THEMIS: variants seen among roughly 807,000 people sequenced by gnomAD.
THEMIS encodes protein THEMIS.
Under a neutral mutation model 52.6 loss-of-function variants are expected in THEMIS, and 37 were observed. The observed-to-expected ratio is 0.70, with a 90% CI of 0.54 to 0.93. The LOEUF (loss-of-function observed/expected upper bound fraction) is 0.93. THEMIS is among the 40% of genes least tolerant of loss of function. THEMIS has a pLI of 0.00. For missense variants in THEMIS, 808 were observed against 763.1 expected, an observed-to-expected ratio of 1.06 and a Z score of -0.69; for synonymous variants, 292 against 272.7, an observed-to-expected ratio of 1.07 and a Z score of -0.70.
intron 4 of THEMIS, among the ~76,000 whole-genome samples, chr6:127,750,489 G>A (rs553817531): frequency 6.6e-6 from 1 of 151,830 alleles, no homozygotes; most frequent in East Asian, 1.9e-4. Context: ...ATCCATGCCT[G>A]ATCATAAATT....
At chr6:127,775,177 A>G (rs534642795) in intron 4 of THEMIS, among the ~76,000 whole-genome samples, 41 of 152,176 alleles carry the variant, frequency 2.7e-4, no homozygotes, top group African/African-American at 9.2e-4. Context: ...CTTTAATGAC[A>G]TATGTTTGCA....
chr6:127,818,193 A>G (rs1778201902), intron 3 of THEMIS, among the ~76,000 whole-genome samples: 2 of 152,174 alleles, frequency 1.3e-5, no homozygotes, highest in African/African-American at 4.8e-5. Context: ...TCCACTAGCC[A>G]TTCTATCTCT....
intron 1 of THEMIS, among the ~76,000 whole-genome samples, chr6:127,916,457 G>A (rs901005795): frequency 3.9e-5 from 6 of 152,286 alleles, no homozygotes; most frequent in Admixed American, 3.3e-4. Flanking sequence ...GATTAATGGT[G>A]CCTTCCTATC....
chr6:127,845,849 C>T (rs1466846553), intron 2 of THEMIS, among the ~76,000 whole-genome samples: 2 of 151,946 alleles, frequency 1.3e-5, no homozygotes, highest in African/African-American at 4.8e-5. Context: ...AAAGTTCCAA[C>T]ATATTCCTAA....
intron 4 of THEMIS, among the ~76,000 whole-genome samples, chr6:127,742,715 T>C (rs1775250800): frequency 6.6e-6 from 1 of 151,362 alleles, no homozygotes; most frequent in African/African-American, 2.4e-5. Context: ...ATACCTAGAG[T>C]AGTCAAATTC....
chr6:127,843,681 C>T (rs1779123380), intron 2 of THEMIS, among the ~76,000 whole-genome samples: 1 of 151,882 alleles, frequency 6.6e-6, no homozygotes, highest in South Asian at 2.1e-4. Flanking sequence ...TTGTTCAGTG[C>T]CCTCCCAGAT....
chr6:127,820,143 G>A (rs560954358), intron 3 of THEMIS, among the ~76,000 whole-genome samples: 7 of 151,966 alleles, frequency 4.6e-5, no homozygotes, highest in Admixed American at 4.6e-4. Context: ...AACTAAAAAT[G>A]TTTTTTACAG....
At chr6:127,750,262 T>C (rs1775591850) in intron 4 of THEMIS, among the ~76,000 whole-genome samples, 1 of 151,506 alleles carries the variant, frequency 6.6e-6, no homozygotes, top group Non-Finnish European at 1.5e-5. Context: ...TTCCCTTGAG[T>C]GCAACAAAAA....
intron 1 of THEMIS, among the ~76,000 whole-genome samples, chr6:127,898,760 A>C (rs187683716): frequency 6.6e-6 from 1 of 152,118 alleles, no homozygotes; most frequent in East Asian, 1.9e-4. Context: ...ATGAATAGAC[A>C]AATAAAATGT....
intron 4 of THEMIS, among the ~76,000 whole-genome samples, chr6:127,800,303 C>T (rs973819780): frequency 6.6e-6 from 1 of 151,272 alleles, no homozygotes; most frequent in African/African-American, 2.4e-5. Context: ...TTTGGACTTC[C>T]TCAGAAAAAA....
At chr6:127,823,650 T>C (rs559454454) in intron 3 of THEMIS, among the ~76,000 whole-genome samples, 3 of 152,138 alleles carry the variant, frequency 2.0e-5, no homozygotes, top group East Asian at 1.9e-4. Context: ...TTACTAAATA[T>C]ATTAAATTTA....
rs552902060 is a variant in THEMIS, at chr6:127,783,694, T to A, written c.1758+29189A>T. On this transcript the variant is annotated intron_variant, in intron 4 of 5. Coordinates refer to ENST00000368248, the MANE Select transcript of THEMIS (RefSeq NM_001010923.3). Reference sequence around the variant, plus strand: ...ATCAAAACCACAATGACATACCATCTCACACCAGTTAGAATGGCGATCATT... The same window carrying A: ...ATCAAAACCACAATGACATACCATCACACACCAGTTAGAATGGCGATCATT... Among the ~76,000 whole-genome samples, 80 of 152,290 alleles carry A rather than the reference T, an allele frequency of 5.3e-4. 1 individual carries two copies. The South Asian group carries it at 0.012, about 23-fold the overall frequency.
chr6:127,757,295 T>G (rs545544956), intron 4 of THEMIS, among the ~76,000 whole-genome samples: 1 of 152,332 alleles, frequency 6.6e-6, no homozygotes, highest in East Asian at 1.9e-4. Flanking sequence ...ATACAAATTT[T>G]TTCTTGAATA....
the THEMIS span, among the ~76,000 whole-genome samples, chr6:127,700,030 G>A: frequency 6.6e-6 from 1 of 151,630 alleles, no homozygotes; most frequent in South Asian, 2.1e-4. Flanking sequence ...CACCGATCAA[G>A]TAAAAATATT....
intron 1 of THEMIS, among the ~76,000 whole-genome samples, chr6:127,894,098 G>A (rs1345175464): frequency 6.6e-6 from 1 of 151,978 alleles, no homozygotes; most frequent in African/African-American, 2.4e-5. Context: ...GAACCAGATA[G>A]ATGTACAACA....
intron 1 of THEMIS, among the ~76,000 whole-genome samples, chr6:127,916,908 G>A (rs1781538972): frequency 6.6e-6 from 1 of 152,102 alleles, no homozygotes; most frequent in African/African-American, 2.4e-5. Context: ...TAAAAGTAAT[G>A]GCAAAATCAC....
chr6:127,866,700 T>C (rs995529712), intron 1 of THEMIS, among the ~76,000 whole-genome samples: 3 of 151,898 alleles, frequency 2.0e-5, no homozygotes, highest in African/African-American at 7.2e-5. Context: ...TATTGAACAA[T>C]TTCTATCATC....
chr6:127,762,998 A>G (rs1776073846), intron 4 of THEMIS, among the ~76,000 whole-genome samples: 2 of 152,142 alleles, frequency 1.3e-5, no homozygotes, highest in Middle Eastern at 3.4e-3. Flanking sequence ...CAACCATTAT[A>G]TAAGTATGAA....
rs776481300 is a variant in THEMIS at position 127,813,933 on chromosome 6, T to A, written c.710-2A>T. The A allele has an allele frequency of 6.6e-7, 1 of 1,526,376 alleles. No homozygotes were observed. The highest frequency in any genetic ancestry group is 8.8e-7 in the Non-Finnish European group (1 of 1,140,460). The allele number at this position is 1,526,376 out of a possible 1,614,324, so 94.6% of individuals were successfully genotyped here. ...GGATGCGGATTATATCTTTTCGAAC[T>A]AAAAAGAAAAAATAAATCACTATGA... is the stretch of plus-strand genomic sequence containing the variant. On this transcript the variant is annotated splice_acceptor_variant, in intron 3 of 5. Coordinates refer to ENST00000368248, the MANE Select transcript of THEMIS (RefSeq NM_001010923.3). LOFTEE classifies it high-confidence loss of function.
Sources: allele counts gnomAD v4.1 joint callset (sites outside exome capture counted in the v4.1 genomes callset), GRCh38; gene constraint gnomAD v4.1.1; transcripts MANE v1.5; gene names NCBI Gene and HGNC (gene_info 2026-07-23, HGNC 2026-07-21).